The following NTSR1 variants were observed in gnomAD, a reference collection of about 807,000 sequenced individuals.
NTSR1 encodes the protein neurotensin receptor type 1.
In NTSR1, 29 loss-of-function variants were observed where a neutral mutation model predicts 31.2. The ratio of observed to expected loss-of-function variants is 0.93; its 90% confidence interval spans 0.69 to 1.27. NTSR1 has a LOEUF of 1.27. Among genes scored for constraint, NTSR1 ranks in the 50% most tolerant of loss-of-function variants. NTSR1 has a pLI of 0.00. For synonymous variants in NTSR1, 282 were observed against 269.9 expected (o/e 1.04, Z -0.44); for missense variants, 697 against 595.4 (o/e 1.17, Z -1.78).
At chr20:62,731,699 G>A (rs1989003976) in intron 1 of NTSR1, among the ~76,000 whole-genome samples, 1 of 152,170 alleles carries the variant, frequency 6.6e-6, no homozygotes. Flanking sequence ...TCTGTTGAAA[G>A]ACAGTCTTTT....
rs1401249986 is a variant in NTSR1, at chr20:62,758,793, T to C, written c.1007+437T>C. On this transcript the variant is annotated intron_variant, in intron 3 of 3. Transcript: ENST00000370501. The surrounding 1 kb of genome is among the most constrained non-coding windows in gnomAD (Gnocchi z 4.5). ...AAGAGCACCAATACTGACAAAGCTT[T>C]GCTTATACAGCAAAGTCAGCAAAGG... Among the ~76,000 whole-genome samples the C allele has an allele frequency of 2.6e-5, 4 of 152,138 alleles. No individual in the cohort carries two copies. Among genetic ancestry groups the C allele is most frequent in the African/African-American group, 9.7e-5 (4 of 41,416 alleles).
chr20:62,755,944 C>T (rs533445301), intron 2 of NTSR1, among the ~76,000 whole-genome samples: 1 of 143,172 alleles, frequency 7.0e-6, no homozygotes, highest in Non-Finnish European at 1.5e-5. Context: ...TCCCTTGTTC[C>T]ATTCCTCCCT....
At position 62,714,590 on chromosome 20, in the gene NTSR1, G is replaced by A. The variant is rs7267441; in HGVS notation, c.714+4669G>A. Among the ~76,000 whole-genome samples, 295 of 152,224 alleles carry A rather than the reference G, an allele frequency of 1.9e-3. 4 individuals are homozygous for A. The highest frequency in any genetic ancestry group is 5.5e-3 in the African/African-American group (227 of 41,526). On this transcript the variant is annotated intron_variant, in intron 1 of 3. Transcript: ENST00000370501. The surrounding 1 kb of genome is among the most constrained non-coding windows in gnomAD (Gnocchi z 4.1). ...TGCACACAGCCTCGTGGCATCCTTG[G>A]AGCAAAGCCATTGAATCTGAATCTC... is the stretch of plus-strand genomic sequence containing the variant.
chr20:62,730,951 A>G (rs1988991774), intron 1 of NTSR1, among the ~76,000 whole-genome samples: 1 of 151,904 alleles, frequency 6.6e-6, no homozygotes, highest in African/African-American at 2.4e-5. Context: ...TGAGTTGTAA[A>G]AGTTCTTTAT....
chr20:62,754,486 G>A (rs2147147865), intron 1 of NTSR1, among the ~76,000 whole-genome samples, 199 bp from the exon 2 acceptor site: 1 of 152,154 alleles, frequency 6.6e-6, no homozygotes, highest in African/African-American at 2.4e-5. Flanking sequence ...GGGGCAGGCT[G>A]AGGGCCAGCT....
chr20:62,751,293 T>G (rs928651525), intron 1 of NTSR1, among the ~76,000 whole-genome samples: 1 of 152,224 alleles, frequency 6.6e-6, no homozygotes, highest in African/African-American at 2.4e-5. Flanking sequence ...TTACGGTTTT[T>G]GGTTTTAGGT....
chr20:62,713,703 C>T (rs1448105200), intron 1 of NTSR1, among the ~76,000 whole-genome samples: 1 of 152,252 alleles, frequency 6.6e-6, no homozygotes, highest in Non-Finnish European at 1.5e-5. Flanking sequence ...GAGGAGACTG[C>T]TTGCGGGTCA....
intron 1 of NTSR1, among the ~76,000 whole-genome samples, chr20:62,717,828 G>T (rs1050428998): frequency 6.6e-6 from 1 of 152,124 alleles, no homozygotes; most frequent in African/African-American, 2.4e-5. Flanking sequence ...AAAAGTTCTG[G>T]CCCTTTGAAC....
rs982355995 is a variant in NTSR1 at position 62,760,557 on chromosome 20, T to TA, written c.*291dup. The TA allele has an allele frequency of 3.1e-5, 11 of 350,102 alleles. No homozygotes were observed. Among genetic ancestry groups the TA allele is most frequent in the African/African-American group, 1.8e-4 (9 of 48,890 alleles). The allele number at this position is 350,102 out of a possible 1,614,324, so 21.7% of individuals were successfully genotyped here. A position where few individuals can be genotyped will look rare whatever the true frequency, so the allele number is the denominator to read the frequency against. ...AAAAGGGCCTCTAACAAGGAGAAAT[T>TA]AGTGTGCGGCAAAAGGCAGTTTTCT... On this transcript the variant is annotated 3_prime_UTR_variant, in exon 4 of 4. Transcript: ENST00000370501.
Position 62,720,823 on chromosome 20 carries a change from T to G in NTSR1, c.714+10902T>G, listed in dbSNP as rs140523143. On this transcript the variant is annotated intron_variant, in intron 1 of 3. Transcript: ENST00000370501. ...TTAATGCTTTAGTGGCATCTCAAAA[T>G]TTTTGAACATTGTATTCTAATTTAG... 7.2e-3 allele frequency among the ~76,000 whole-genome samples: 1,095 copies of G among 152,320 alleles called. 10 individuals are homozygous for G. Among genetic ancestry groups the G allele is most frequent in the African/African-American group, 0.025 (1,049 of 41,580 alleles).
rs1177090080 is a variant in NTSR1, at chr20:62,743,772, C to T, written c.715-10913C>T. 1.3e-5 allele frequency among the ~76,000 whole-genome samples: 2 copies of T among 152,212 alleles called. No individual in the cohort carries two copies. Among genetic ancestry groups the T allele is most frequent in the Non-Finnish European group, 2.9e-5 (2 of 68,040 alleles). On this transcript the variant is annotated intron_variant, in intron 1 of 3. Coordinates refer to ENST00000370501, the MANE Select transcript of NTSR1 (RefSeq NM_002531.3). The surrounding 1 kb of genome is among the most constrained non-coding windows in gnomAD (Gnocchi z 7.5). ...CAATGGGATGAATTAGAGAGAAAGG[C>T]AGAATACAAAACAAGCAATTGCTCT...
intron 1 of NTSR1, among the ~76,000 whole-genome samples, chr20:62,712,784 G>A (rs1266551543): frequency 6.6e-6 from 1 of 152,240 alleles, no homozygotes; most frequent in African/African-American, 2.4e-5. Context: ...TTGCTTCTTG[G>A]ATGGTCCCCC....
At position 62,745,612 on chromosome 20, in the gene NTSR1, CA is replaced by C. The variant is rs1284641430; in HGVS notation, c.715-9072del. On this transcript the variant is annotated intron_variant, in intron 1 of 3. Transcript: ENST00000370501. The surrounding 1 kb of genome is among the most constrained non-coding windows in gnomAD (Gnocchi z 4.1). Reference sequence around the variant, plus strand: ...GAAAACATACAAGGAGACAGAGACACAGAAAAACACAGAGAAAAACACAGAG... The same window carrying C: ...GAAAACATACAAGGAGACAGAGACACGAAAAACACAGAGAAAAACACAGAG... 6.7e-6 allele frequency among the ~76,000 whole-genome samples: 1 copy of C among 149,284 alleles called. No homozygotes were observed. The highest frequency in any genetic ancestry group is 1.5e-5 in the Non-Finnish European group (1 of 67,804).
chr20:62,755,340 CA>C (rs1989473164), intron 2 of NTSR1, among the ~76,000 whole-genome samples: 1 of 98,104 alleles, frequency 1.0e-5, no homozygotes, highest in Non-Finnish European at 2.2e-5. Context: ...TCCCTCCATC[CA>C]TCCATCCCTC....
intron 1 of NTSR1, among the ~76,000 whole-genome samples, chr20:62,754,423 A>G (rs856936): frequency 0.84 from 127,448 of 152,156 alleles, 53,647 homozygotes; most frequent in East Asian, 0.92. Flanking sequence ...CTCGGGAGGG[A>G]CTCATGAAAG....
intron 1 of NTSR1, among the ~76,000 whole-genome samples, chr20:62,721,048 A>G (rs779095470): frequency 2.6e-5 from 4 of 152,338 alleles, no homozygotes; most frequent in East Asian, 1.9e-4. Context: ...GGTTTAGGAT[A>G]ATGGTCTATT....
At chr20:62,754,968 G>C in intron 2 of NTSR1, 82 bp downstream of exon 2, 3 of 1,363,314 alleles carry the variant, frequency 2.2e-6, no homozygotes, top group Non-Finnish European at 3.0e-6. Context: ...CCCCAAGCCT[G>C]GGCAAGGTTT....
chr20:62,735,055 T>C (rs913851777), intron 1 of NTSR1, among the ~76,000 whole-genome samples: 1 of 152,048 alleles, frequency 6.6e-6, no homozygotes, highest in African/African-American at 2.4e-5. Flanking sequence ...TGAGGCCCCA[T>C]GTGGAGGCAG....
chr20:62,744,949 A>G lies in NTSR1; in HGVS notation c.715-9736A>G, dbSNP rs1411752749. ...CTGAGGGGTGCACACAGCAGAGGAT[A>G]CTGCCAGAAGCACGAATGAGATTCC... On this transcript the variant is annotated intron_variant, in intron 1 of 3. Transcript: ENST00000370501. The surrounding 1 kb of genome is among the most constrained non-coding windows in gnomAD (Gnocchi z 4.1). Among the ~76,000 whole-genome samples the G allele has an allele frequency of 1.3e-5, 2 of 152,210 alleles. No homozygotes were observed. Among genetic ancestry groups the G allele is most frequent in the African/African-American group, 2.4e-5 (1 of 41,454 alleles).
Sources: gnomAD v4.1 joint callset for allele counts (sites outside exome capture counted in the v4.1 genomes callset) on GRCh38, gnomAD v4.1.1 for gene constraint, Gnocchi (gnomAD v3.1) non-coding constraint, MANE v1.5 for transcripts, NCBI Gene and HGNC (gene_info 2026-07-23, HGNC 2026-07-21) for gene names.